FOXK2: variants seen among roughly 807,000 people sequenced by gnomAD.
The protein encoded by FOXK2 is forkhead box protein K2.
FOXK2 carries 24 observed loss-of-function variants against 53.3 expected under a neutral mutation model. The ratio of observed to expected loss-of-function variants is 0.45; its 90% CI spans 0.33 to 0.63. The LOEUF (loss-of-function observed/expected upper bound fraction) is 0.63, where lower values mean the gene tolerates loss of function less well. FOXK2 is among the 30% of genes least tolerant of loss of function. The pLI is 0.03. For synonymous variants in FOXK2, 505 were observed against 407.1 expected (o/e 1.24, Z -2.89); for missense variants, 952 against 910.5 (o/e 1.05, Z -0.59).
intron 4 of FOXK2, among the ~76,000 whole-genome samples, chr17:82,573,554 TCTCTCTCTCACACACACA>T (rs1490028390): frequency 7.4e-5 from 8 of 108,508 alleles, no homozygotes; most frequent in African/African-American, 2.9e-4. Flanking sequence ...TCTCTCTCTC[TCTCTCTCTCACACACACA>T]CACACACACA....
At chr17:82,540,337 G>A (rs746627059) in intron 1 of FOXK2, among the ~76,000 whole-genome samples, 11 of 151,996 alleles carry the variant, frequency 7.2e-5, no homozygotes, top group Non-Finnish European at 1.5e-4. Context: ...ATGATTTGGA[G>A]AATTGGAGGT....
chr17:82,575,303 C>T (rs2044969528), intron 4 of FOXK2, among the ~76,000 whole-genome samples: 1 of 151,812 alleles, frequency 6.6e-6, no homozygotes, highest in African/African-American at 2.4e-5. Flanking sequence ...CCGAAGTGAT[C>T]TTCAGCAAAC....
chr17:82,573,378 G>T (rs1043444317), intron 4 of FOXK2, among the ~76,000 whole-genome samples: 3 of 152,014 alleles, frequency 2.0e-5, no homozygotes, highest in South Asian at 4.2e-4. Flanking sequence ...CAGCAAGGGG[G>T]TATCTCTTAA....
intron 1 of FOXK2, among the ~76,000 whole-genome samples, chr17:82,521,179 TTTTTG>T (rs890260597): frequency 6.6e-6 from 1 of 152,148 alleles, no homozygotes; most frequent in African/African-American, 2.4e-5. Flanking sequence ...ATTTTTTTGT[TTTTTG>T]TTTTTTGAGA....
At chr17:82,566,457 T>C (rs1294821090) in intron 2 of FOXK2, among the ~76,000 whole-genome samples, 3 of 152,128 alleles carry the variant, frequency 2.0e-5, no homozygotes, top group Non-Finnish European at 4.4e-5. Context: ...TGAACATAAC[T>C]GAGTGGGCCA....
chr17:82,520,446 C>G (rs1213732085), intron 1 of FOXK2, 139 bp downstream of exon 1: 18 of 737,230 alleles, frequency 2.4e-5, no homozygotes, highest in Non-Finnish European at 3.3e-5. Flanking sequence ...CAGCGGGACC[C>G]AGGCCCCGGC....
At chr17:82,543,027 A>G (rs2044588989) in intron 1 of FOXK2, among the ~76,000 whole-genome samples, 1 of 152,108 alleles carries the variant, frequency 6.6e-6, no homozygotes, top group Non-Finnish European at 1.5e-5. Flanking sequence ...CTGGTACTTA[A>G]CAGGTTATTT....
chr17:82,520,391 G>C, intron 1 of FOXK2, 84 bp downstream of exon 1: 1 of 1,127,894 alleles, frequency 8.9e-7, no homozygotes, highest in Non-Finnish European at 1.1e-6. Context: ...CCAGGCCCGG[G>C]ACCACCCACG....
chr17:82,553,127 G>A (rs187009945), intron 1 of FOXK2, among the ~76,000 whole-genome samples: 1 of 152,154 alleles, frequency 6.6e-6, no homozygotes, highest in African/African-American at 2.4e-5. Context: ...GTAGAGATGG[G>A]GTTTCACTAT....
intron 8 of FOXK2, chr17:82,596,010 CAG>C (rs1448230540): frequency 8.6e-7 from 1 of 1,156,414 alleles, no homozygotes; most frequent in Non-Finnish European, 1.1e-6. Flanking sequence ...CACTGGAAAC[CAG>C]AGTCACACTG....
At chr17:82,528,961 CAT>C (rs2044445028) in intron 1 of FOXK2, among the ~76,000 whole-genome samples, 1 of 152,184 alleles carries the variant, frequency 6.6e-6, no homozygotes, top group Non-Finnish European at 1.5e-5. Context: ...ATTTGGTTGG[CAT>C]AGACTGGGAG....
At chr17:82,571,446 C>T (rs1339439746) in intron 3 of FOXK2, among the ~76,000 whole-genome samples, 3 of 151,954 alleles carry the variant, frequency 2.0e-5, no homozygotes, top group East Asian at 3.9e-4. Flanking sequence ...ACTAAAACCA[C>T]AAAAATTAGC....
chr17:82,558,394 C>T (rs1191392203), intron 1 of FOXK2, among the ~76,000 whole-genome samples: 2 of 152,166 alleles, frequency 1.3e-5, no homozygotes, highest in Non-Finnish European at 2.9e-5. Flanking sequence ...GTGGCAGTGC[C>T]CTGTCCGCGG....
At chr17:82,598,628 T>TG (rs1427756017) in intron 8 of FOXK2, among the ~76,000 whole-genome samples, 2 of 152,378 alleles carry the variant, frequency 1.3e-5, no homozygotes, top group East Asian at 3.9e-4. Context: ...AACTCACTCC[T>TG]GGAATCATGA....
chr17:82,537,663 ATGCCTGTTTGCCAACACT>A (rs1424490710), intron 1 of FOXK2, among the ~76,000 whole-genome samples: 1 of 145,918 alleles, frequency 6.9e-6, no homozygotes, highest in Non-Finnish European at 1.5e-5. Context: ...ACGGTGGCTT[ATGCCTGTTTGCCAACACT>A]TTTGGAGGCC....
intron 4 of FOXK2, among the ~76,000 whole-genome samples, chr17:82,581,636 C>T (rs1276893934): frequency 6.6e-6 from 1 of 152,138 alleles, no homozygotes; most frequent in African/African-American, 2.4e-5. Flanking sequence ...CCACTACGCC[C>T]CGCTAATTTT....
intron 1 of FOXK2, among the ~76,000 whole-genome samples, chr17:82,527,403 T>C (rs1229639273): frequency 6.6e-6 from 1 of 151,900 alleles, no homozygotes; most frequent in Non-Finnish European, 1.5e-5. Context: ...CCGAGACAGG[T>C]GGATCATCTG....
chr17:82,577,007 A>T, intron 4 of FOXK2: 3 of 397,560 alleles, frequency 7.5e-6, no homozygotes, highest in Non-Finnish European at 1.4e-5. Context: ...TAAAAATACA[A>T]TATTATTAGC....
At chr17:82,554,878 TG>T (rs2044709039) in intron 1 of FOXK2, among the ~76,000 whole-genome samples, 1 of 152,100 alleles carries the variant, frequency 6.6e-6, no homozygotes, top group Non-Finnish European at 1.5e-5. Flanking sequence ...CCCAAGTAGC[TG>T]GGATTACAGG....
Sources: allele counts gnomAD v4.1 joint callset (sites outside exome capture counted in the v4.1 genomes callset), GRCh38; gene constraint gnomAD v4.1.1; transcripts MANE v1.5; gene names NCBI Gene and HGNC (gene_info 2026-07-23, HGNC 2026-07-21).